Variants in SORCS1 observed in about 807,000 individuals in gnomAD.
The protein encoded by SORCS1 is VPS10 domain-containing receptor SorCS1.
A neutral mutation model predicts 146.1 loss-of-function variants in SORCS1; 60 were observed. That is an observed-to-expected ratio of 0.41 (90% CI 0.33 to 0.51). SORCS1 has a LOEUF of 0.51. Among genes scored for constraint, SORCS1 ranks in the 20% least tolerant of loss-of-function variants. SORCS1 has a pLI of 0.21. For missense variants in SORCS1, 1,352 were observed against 1,487.6 expected (o/e 0.91, Z 1.50); for synonymous variants, 637 against 584.0 (o/e 1.09, Z -1.31).
intron 15 of SORCS1, among the ~76,000 whole-genome samples, chr10:106,672,243 G>A (rs1851662082): frequency 6.6e-6 from 1 of 152,270 alleles, no homozygotes; most frequent in Admixed American, 6.5e-5. Flanking sequence ...CAAATCCTTT[G>A]AGAGATCTGC....
intron 2 of SORCS1, among the ~76,000 whole-genome samples, chr10:106,859,191 C>T (rs374778639): frequency 6.6e-6 from 1 of 152,188 alleles, no homozygotes. Context: ...CACTCCTGAC[C>T]ATGCCAATCA....
intron 5 of SORCS1, among the ~76,000 whole-genome samples, chr10:106,732,951 T>C (rs955763957): frequency 1.3e-4 from 20 of 151,718 alleles, no homozygotes; most frequent in African/African-American, 4.6e-4. Context: ...AAACCCCGTA[T>C]CTACTAAAAC....
Position 107,052,628 on chromosome 10 carries a change from C to T in SORCS1, c.559-96048G>A, listed in dbSNP as rs115831123. On this transcript the variant is annotated intron_variant, in intron 1 of 25. Transcript: ENST00000263054. ...TAAGTTAAATTCCAACCTCCATGGT[C>T]ACAGAAACACTTTCAGAACAACGAC... 9.2e-3 allele frequency among the ~76,000 whole-genome samples: 1,408 copies of T among 152,222 alleles called. 23 individuals are homozygous for T. The highest frequency in any genetic ancestry group is 0.032 in the African/African-American group (1,327 of 41,550).
intron 1 of SORCS1, among the ~76,000 whole-genome samples, chr10:107,023,783 A>T (rs1027195816): frequency 1.3e-5 from 2 of 152,216 alleles, no homozygotes; most frequent in African/African-American, 4.8e-5. Context: ...AGAAACTATT[A>T]TAATTCTTAC....
chr10:107,133,430 G>C (rs917443685), intron 1 of SORCS1, among the ~76,000 whole-genome samples: 2 of 152,076 alleles, frequency 1.3e-5, no homozygotes, highest in African/African-American at 4.8e-5. Context: ...TCCCTCCTGT[G>C]TTTCAGGAGG....
intron 2 of SORCS1, among the ~76,000 whole-genome samples, chr10:106,943,569 A>G (rs1954159298): frequency 6.6e-6 from 1 of 152,088 alleles, no homozygotes; most frequent in Non-Finnish European, 1.5e-5. Flanking sequence ...GCGCTTTGGG[A>G]GGCCGAGGTG....
At chr10:106,891,018 TTTC>T (rs764249552) in intron 2 of SORCS1, among the ~76,000 whole-genome samples, 2 of 152,192 alleles carry the variant, frequency 1.3e-5, no homozygotes, top group Non-Finnish European at 2.9e-5. Context: ...TATGATACAT[TTTC>T]TTCTCTGACT....
chr10:106,891,117 C>T (rs1050443182), intron 2 of SORCS1, among the ~76,000 whole-genome samples: 2 of 152,058 alleles, frequency 1.3e-5, no homozygotes, highest in Non-Finnish European at 1.5e-5. Context: ...ACATGGTTCC[C>T]GTATTACTTT....
chr10:107,130,047 A>G (rs1354291232), intron 1 of SORCS1, among the ~76,000 whole-genome samples: 2 of 152,218 alleles, frequency 1.3e-5, no homozygotes, highest in African/African-American at 4.8e-5. Flanking sequence ...CTAGGGAAAA[A>G]GAACAAACTA....
At chr10:107,054,647 C>A (rs1960427748) in intron 1 of SORCS1, among the ~76,000 whole-genome samples, 2 of 152,114 alleles carry the variant, frequency 1.3e-5, no homozygotes. Context: ...CTGGGGCAGG[C>A]AGTGAAAAAT....
At chr10:106,579,052 A>G in intron 25 of SORCS1, 1 of 1,609,080 alleles carries the variant, frequency 6.2e-7, no homozygotes. Flanking sequence ...GCCATTGCCT[A>G]CTCAGCCGAA....
chr10:106,834,037 C>T (rs896825876), intron 2 of SORCS1, among the ~76,000 whole-genome samples: 3 of 152,146 alleles, frequency 2.0e-5, no homozygotes, highest in Non-Finnish European at 4.4e-5. Flanking sequence ...TTGTGATTCA[C>T]CCACCTCGGC....
intron 23 of SORCS1, among the ~76,000 whole-genome samples, chr10:106,606,219 AAAG>A (rs1222264591): frequency 6.6e-6 from 1 of 152,002 alleles, no homozygotes. Flanking sequence ...AGGGAAGAAA[AAAG>A]AAGACTAAAG....
At chr10:106,912,782 G>A (rs935440370) in intron 2 of SORCS1, among the ~76,000 whole-genome samples, 5 of 152,164 alleles carry the variant, frequency 3.3e-5, no homozygotes, top group African/African-American at 9.6e-5. Flanking sequence ...GGGTTCCAGT[G>A]AGTCTCCTGC....
chr10:106,767,950 G>A (rs971532754), intron 4 of SORCS1, among the ~76,000 whole-genome samples: 13 of 152,200 alleles, frequency 8.5e-5, no homozygotes, highest in African/African-American at 2.9e-4. Context: ...GTTTTAAAAT[G>A]TTCATTTCTC....
chr10:106,873,971 C>T (rs971511374), intron 2 of SORCS1, among the ~76,000 whole-genome samples: 1 of 152,214 alleles, frequency 6.6e-6, no homozygotes, highest in African/African-American at 2.4e-5. Context: ...TGCCCAACCT[C>T]TCTGGGCTGT....
chr10:106,626,085 A>T (rs1394282486), intron 19 of SORCS1, among the ~76,000 whole-genome samples: 2 of 151,948 alleles, frequency 1.3e-5, no homozygotes, highest in Admixed American at 1.3e-4. Context: ...ACCTTTGCAA[A>T]CCCATCTTTT....
intron 2 of SORCS1, among the ~76,000 whole-genome samples, chr10:106,948,234 G>A (rs1467439872): frequency 6.6e-6 from 1 of 151,072 alleles, no homozygotes; most frequent in Non-Finnish European, 1.5e-5. Context: ...CACCACTACA[G>A]ATATCAGGAA....
chr10:107,044,511 G>GAA (rs1165145635), intron 1 of SORCS1, among the ~76,000 whole-genome samples: 1 of 53,674 alleles, frequency 1.9e-5, no homozygotes, highest in African/African-American at 8.3e-5. Flanking sequence ...ATTCTAATTT[G>GAA]TAAAAAAAAA....
Sources: gnomAD v4.1 joint callset for allele counts (sites outside exome capture counted in the v4.1 genomes callset) on GRCh38, gnomAD v4.1.1 for gene constraint, MANE v1.5 for transcripts, NCBI Gene and HGNC (gene_info 2026-07-23, HGNC 2026-07-21) for gene names.